The following FSIP1 variants were observed in gnomAD, a reference collection of about 807,000 sequenced individuals.
FSIP1 encodes fibrous sheath-interacting protein 1.
Under a neutral mutation model 60.9 loss-of-function variants are expected in FSIP1, and 65 were observed. The observed-to-expected ratio is 1.07, with a 90% CI of 0.87 to 1.31. The LOEUF (loss-of-function observed/expected upper bound fraction) is 1.31. Ranked by LOEUF, FSIP1 falls within the 40% of genes most tolerant of loss-of-function variation. FSIP1 has a pLI of 0.00. For missense variants in FSIP1, 675 were observed against 665.5 expected (o/e 1.01, Z -0.16); for synonymous variants, 209 against 221.2 (o/e 0.94, Z 0.49).
intron 10 of FSIP1, among the ~76,000 whole-genome samples, chr15:39,641,274 A>G (rs2411315): frequency 0.39 from 59,998 of 152,050 alleles, 14,196 homozygotes; most frequent in African/African-American, 0.67. Flanking sequence ...AGGAAAGCAA[A>G]AATTGTTCTC....
At chr15:39,689,773 G>A (rs930560234) in intron 10 of FSIP1, among the ~76,000 whole-genome samples, 1 of 152,150 alleles carries the variant, frequency 6.6e-6, no homozygotes, top group Admixed American at 6.5e-5. Context: ...TTATCTAAAT[G>A]TCCACACAAA....
intron 5 of FSIP1, among the ~76,000 whole-genome samples, chr15:39,756,212 A>C (rs1366489762): frequency 2.0e-5 from 3 of 152,174 alleles, no homozygotes; most frequent in Non-Finnish European, 1.5e-5. Context: ...TATAAATAAA[A>C]GTAAATGCAC....
chr15:39,728,388 T>C (rs1366086029), intron 8 of FSIP1, among the ~76,000 whole-genome samples: 1 of 152,188 alleles, frequency 6.6e-6, no homozygotes, highest in East Asian at 1.9e-4. Flanking sequence ...CTTCAAACTA[T>C]ATTACAAGGC....
chr15:39,724,298 G>A (rs1196036356), intron 9 of FSIP1, among the ~76,000 whole-genome samples: 4 of 151,074 alleles, frequency 2.6e-5, no homozygotes, highest in Admixed American at 6.6e-5. Context: ...TGTCGCCCAG[G>A]CTGCAGTGCA....
chr15:39,708,805 T>C (rs544244112), intron 10 of FSIP1, among the ~76,000 whole-genome samples: 7 of 152,216 alleles, frequency 4.6e-5, no homozygotes, highest in African/African-American at 9.6e-5. Context: ...AAGGAAATCC[T>C]ACAGATGTGC....
chr15:39,714,715 C>A (rs968983874), intron 9 of FSIP1, among the ~76,000 whole-genome samples: 2 of 151,566 alleles, frequency 1.3e-5, no homozygotes, highest in Non-Finnish European at 2.9e-5. Context: ...ATACCTGTAA[C>A]CCCAACACTC....
At chr15:39,725,681 T>C (rs1381508233) in intron 9 of FSIP1, among the ~76,000 whole-genome samples, 1 of 152,184 alleles carries the variant, frequency 6.6e-6, no homozygotes, top group African/African-American at 2.4e-5. Context: ...CAATCAGACA[T>C]TTTCTCCTCA....
At chr15:39,751,418 A>AACACACACACACACACACAC (rs3065153) in intron 5 of FSIP1, among the ~76,000 whole-genome samples, 1 of 144,864 alleles carries the variant, frequency 6.9e-6, no homozygotes. Flanking sequence ...GTAATACATA[A>AACACACACACACACACACAC]ACACACACAC....
intron 1 of FSIP1, among the ~76,000 whole-genome samples, chr15:39,776,944 G>T (rs1167752175): frequency 2.0e-5 from 3 of 150,662 alleles, no homozygotes; most frequent in Non-Finnish European, 4.4e-5. Context: ...CTTTTTTTTT[G>T]AAAATGAGTC....
chr15:39,713,476 C>T lies in FSIP1; in HGVS notation c.1156G>A (p.Asp386Asn). ...RDLHNRLREIDEKLKMMKENV... is the reference protein window; with the variant it reads ...RDLHNRLREINEKLKMMKENV... Reference sequence around the variant, plus strand: ...TCCTTCATCATTTTCAGCTTTTCATCAATCTCTCTCAGCCGATTATGCAGA... The same window carrying T: ...TCCTTCATCATTTTCAGCTTTTCATTAATCTCTCTCAGCCGATTATGCAGA... Residue 386 changes from aspartate to asparagine, a missense_variant, in exon 10 of 12, where the codon GAT becomes AAT. Coordinates refer to ENST00000350221, the MANE Select transcript of FSIP1 (RefSeq NM_152597.5). 1.3e-6 allele frequency: 2 copies of T among 1,599,524 alleles called. No individual in the cohort carries two copies. The highest frequency in any genetic ancestry group is 1.7e-6 in the Non-Finnish European group (2 of 1,174,788).
At chr15:39,603,203 G>A (rs79115594) in intron 11 of FSIP1, among the ~76,000 whole-genome samples, 20,099 of 152,230 alleles carry the variant, frequency 0.13, 1,522 homozygotes, top group Non-Finnish European at 0.17. Context: ...TGTTTGTGGG[G>A]TAAATCGATG....
At chr15:39,766,166 T>C (rs1211324365) in intron 3 of FSIP1, among the ~76,000 whole-genome samples, 4 of 152,220 alleles carry the variant, frequency 2.6e-5, no homozygotes, top group Admixed American at 1.3e-4. Flanking sequence ...AGAGAAGGCG[T>C]GTACACAAAT....
rs141985906 is a variant in FSIP1 at position 39,655,303 on chromosome 15, A to G, written c.1189-37058T>C. Reference sequence around the variant, plus strand: ...ATTTCTTAAGGGTCTCCATGGATATACACCATCCCCCTCCTCCAGTAGCTG... The same window carrying G: ...ATTTCTTAAGGGTCTCCATGGATATGCACCATCCCCCTCCTCCAGTAGCTG... On this transcript the variant is annotated intron_variant, in intron 10 of 11. Transcript: ENST00000350221. 8.5e-5 allele frequency among the ~76,000 whole-genome samples: 13 copies of G among 152,368 alleles called. No homozygotes were observed. The East Asian group carries it at 2.3e-3, about 27-fold the overall frequency.
intron 10 of FSIP1, among the ~76,000 whole-genome samples, chr15:39,631,707 G>A (rs1253535626): frequency 6.6e-6 from 1 of 152,198 alleles, no homozygotes; most frequent in Non-Finnish European, 1.5e-5. Context: ...TTGGTCTGCT[G>A]TGAAAATAGA....
chr15:39,613,858 G>A (rs190404327), intron 11 of FSIP1, among the ~76,000 whole-genome samples: 1 of 152,150 alleles, frequency 6.6e-6, no homozygotes, highest in Non-Finnish European at 1.5e-5. Context: ...AAAACCATAT[G>A]ATAATCTCAA....
chr15:39,781,224 T>C (rs1053237548), intron 1 of FSIP1, among the ~76,000 whole-genome samples: 1 of 152,032 alleles, frequency 6.6e-6, no homozygotes, highest in African/African-American at 2.4e-5. Flanking sequence ...ATGTTCAACA[T>C]CATTACCCCT....
At chr15:39,656,542 T>G (rs1893077440) in intron 10 of FSIP1, among the ~76,000 whole-genome samples, 1 of 152,232 alleles carries the variant, frequency 6.6e-6, no homozygotes, top group African/African-American at 2.4e-5. Context: ...TGCCACTTAC[T>G]AGCTGGAGAC....
Position 39,600,546 on chromosome 15 carries a change from A to G in FSIP1, c.*334T>C. 1 of 185,820 alleles carries G rather than the reference A, an allele frequency of 5.4e-6. No homozygotes were observed. The highest frequency in any genetic ancestry group is 1.1e-5 in the Non-Finnish European group (1 of 90,728). The allele number at this position is 185,820 out of a possible 1,614,324, so 11.5% of individuals were successfully genotyped here. A position where few individuals can be genotyped will look rare whatever the true frequency, so the allele number is the denominator to read the frequency against. ...TCACAGTAGAGGTGAAACATACAAA[A>G]TTGAATACAGGACAATCACAGCACT... On this transcript the variant is annotated 3_prime_UTR_variant, in exon 12 of 12. Transcript: ENST00000350221.
At chr15:39,697,772 GATTACAC>G (rs1356144549) in intron 10 of FSIP1, among the ~76,000 whole-genome samples, 1 of 152,106 alleles carries the variant, frequency 6.6e-6, no homozygotes, top group Non-Finnish European at 1.5e-5. Flanking sequence ...TCTTTTCCAA[GATTACAC>G]ATATGGTTTC....
Sources: gnomAD v4.1 joint callset for allele counts (sites outside exome capture counted in the v4.1 genomes callset) on GRCh38, gnomAD v4.1.1 for gene constraint, MANE v1.5 for transcripts, NCBI Gene and HGNC (gene_info 2026-07-23, HGNC 2026-07-21) for gene names.